The following SCN10A variants were observed in gnomAD, a reference collection of about 807,000 sequenced individuals.
The protein encoded by SCN10A is sodium voltage-gated channel alpha subunit 10, also known as sodium channel protein type 10 subunit alpha.
In SCN10A, 162 loss-of-function variants were observed where a neutral mutation model predicts 170.7. The ratio of observed to expected loss-of-function variants is 0.95; its 90% confidence interval spans 0.84 to 1.08. The LOEUF (loss-of-function observed/expected upper bound fraction) is 1.08. Among genes scored for constraint, SCN10A ranks in the 50% least tolerant of loss-of-function variants. The pLI is 0.00. For synonymous variants in SCN10A, 985 were observed against 904.6 expected (o/e 1.09, Z -1.59); for missense variants, 2,527 against 2,436.9 (o/e 1.04, Z -0.78).
intron 1 of SCN10A, among the ~76,000 whole-genome samples, chr3:38,802,676 G>T (rs1441536312): frequency 6.6e-6 from 1 of 152,088 alleles, no homozygotes; most frequent in Non-Finnish European, 1.5e-5. Flanking sequence ...TTAAATGTTA[G>T]ACCTAAAACC....
chr3:38,711,180 G>C (rs1182492018), intron 23 of SCN10A, among the ~76,000 whole-genome samples: 2 of 152,212 alleles, frequency 1.3e-5, no homozygotes, highest in East Asian at 1.9e-4. Context: ...TCTGGTTCTA[G>C]TGCCAATTGC....
At chr3:38,782,946 A>G (rs2064156485) in intron 4 of SCN10A, among the ~76,000 whole-genome samples, 1 of 152,146 alleles carries the variant, frequency 6.6e-6, no homozygotes, top group Admixed American at 6.6e-5. Flanking sequence ...TTATTTTCTC[A>G]CAAATCTGGA....
At chr3:38,777,716 G>A (rs375110584) in intron 4 of SCN10A, among the ~76,000 whole-genome samples, 111 of 152,202 alleles carry the variant, frequency 7.3e-4, no homozygotes, top group Non-Finnish European at 1.4e-3. Context: ...TTAAATCCAC[G>A]TGGTGTTGAC....
At chr3:38,747,028 C>T (rs2063697681) in intron 13 of SCN10A, among the ~76,000 whole-genome samples, 1 of 152,150 alleles carries the variant, frequency 6.6e-6, no homozygotes, top group African/African-American at 2.4e-5. Flanking sequence ...CATGAAGCAT[C>T]CTTCAGGTGT....
intron 26 of SCN10A, among the ~76,000 whole-genome samples, chr3:38,705,296 C>T (rs2063198851): frequency 2.0e-5 from 3 of 152,228 alleles, no homozygotes; most frequent in South Asian, 2.1e-4. Flanking sequence ...TCCACTAAGG[C>T]TAGCAAAAGG....
In SCN10A at chr3:38,697,396, T is replaced by C; in HGVS notation, c.5824A>G (p.Asn1942Asp). ...VNMRTSSSIQNEDEATSMELI... is the reference protein window; with the variant it reads ...VNMRTSSSIQDEDEATSMELI... ...TCCATACTGGTGGCTTCATCTTCATTTTGTATTGAGCTAGATGTCCTCATG... is the reference window on the plus strand; with the variant it reads ...TCCATACTGGTGGCTTCATCTTCATCTTGTATTGAGCTAGATGTCCTCATG... The change falls in exon 28 of 28, where the codon AAT (asparagine) becomes GAT (aspartate). Residue 1942 changes from asparagine to aspartate, a missense_variant. Asn to Asp is a conservative substitution (Grantham distance 23, BLOSUM62 1). Coordinates refer to ENST00000449082, the MANE Select transcript of SCN10A (RefSeq NM_006514.4). 2.5e-6 allele frequency: 4 copies of C among 1,614,164 alleles called. No homozygotes were observed. Among genetic ancestry groups the C allele is most frequent in the Non-Finnish European group, 3.4e-6 (4 of 1,180,016 alleles).
chr3:38,756,487 G>A (rs1015590497), intron 10 of SCN10A, among the ~76,000 whole-genome samples, 187 bp downstream of exon 10: 11 of 152,120 alleles, frequency 7.2e-5, no homozygotes, highest in African/African-American at 2.7e-4. Context: ...CCCTCAATAG[G>A]TCACTTGCAC....
At chr3:38,766,515 C>A (rs893155305) in intron 5 of SCN10A, among the ~76,000 whole-genome samples, 1 of 152,030 alleles carries the variant, frequency 6.6e-6, no homozygotes, top group Non-Finnish European at 1.5e-5. Flanking sequence ...GTTTTTAATT[C>A]TGTTTATGTG....
At chr3:38,798,786 C>CTTTTTTTTTTTTTTTTTTTTT (rs35930968) in intron 1 of SCN10A, among the ~76,000 whole-genome samples, 1 of 97,732 alleles carries the variant, frequency 1.0e-5, no homozygotes, top group Admixed American at 1.4e-4. Flanking sequence ...CCCTTGCCTC[C>CTTTTTTTTTTTTTTTTTTTTT]TTTTTTTTTT....
At chr3:38,806,478 C>A (rs545046541) in intron 1 of SCN10A, among the ~76,000 whole-genome samples, 1 of 152,002 alleles carries the variant, frequency 6.6e-6, no homozygotes, top group South Asian at 2.1e-4. Flanking sequence ...TTTAAAAAAC[C>A]AGAGAGATAG....
chr3:38,769,705 T>C (rs1434071729), intron 5 of SCN10A, among the ~76,000 whole-genome samples: 1 of 152,212 alleles, frequency 6.6e-6, no homozygotes, highest in Non-Finnish European at 1.5e-5. Context: ...AGAGAAAAGA[T>C]CTGGAACTGA....
chr3:38,788,195 A>T (rs1575179583), intron 4 of SCN10A, among the ~76,000 whole-genome samples: 1 of 143,726 alleles, frequency 7.0e-6, no homozygotes, highest in African/African-American at 2.6e-5. Context: ...CTGTTGTGGC[A>T]TGCATTACTG....
intron 15 of SCN10A, among the ~76,000 whole-genome samples, chr3:38,730,466 TA>T (rs993001441): frequency 2.0e-5 from 3 of 152,128 alleles, no homozygotes; most frequent in Admixed American, 1.3e-4. Context: ...AGAGTTGCAG[TA>T]AAAAAACAAA....
chr3:38,777,719 G>T (rs1393677084), intron 4 of SCN10A, among the ~76,000 whole-genome samples: 2 of 152,166 alleles, frequency 1.3e-5, no homozygotes, highest in Admixed American at 1.3e-4. Flanking sequence ...AATCCACGTG[G>T]TGTTGACTCA....
At chr3:38,722,817 T>G (rs2063408673) in intron 19 of SCN10A, among the ~76,000 whole-genome samples, 2 of 152,184 alleles carry the variant, frequency 1.3e-5, no homozygotes, top group African/African-American at 2.4e-5. Context: ...CCAGCCCAGC[T>G]CAGCCCAGCC....
At chr3:38,787,615 A>T (rs2064223204) in intron 4 of SCN10A, among the ~76,000 whole-genome samples, 1 of 152,074 alleles carries the variant, frequency 6.6e-6, no homozygotes, top group Non-Finnish European at 1.5e-5. Flanking sequence ...TTCACAATTA[A>T]GTATGACGCT....
At position 38,709,533 on chromosome 3, in the gene SCN10A, G is replaced by A; in HGVS notation, c.4226C>T (p.Thr1409Ile). The A allele has an allele frequency of 6.2e-7, 1 of 1,613,280 alleles. No homozygotes were observed. Among genetic ancestry groups the A allele is most frequent in the Non-Finnish European group, 8.5e-7 (1 of 1,179,634 alleles). Residue 1409 changes from threonine to isoleucine, a missense_variant, in exon 25 of 28, where the codon ACA becomes ATA. Transcript: ENST00000449082. ...VIFIIFGGFF[T>I]LNLFVGVIID... Reference sequence around the variant, plus strand: ...TATGACCCCAACAAAGAGATTCAGTGTGAAGAAGCCTCCAAAAATGATGAA... The same window carrying A: ...TATGACCCCAACAAAGAGATTCAGTATGAAGAAGCCTCCAAAAATGATGAA...
At chr3:38,754,547 A>T (rs527925946) in intron 11 of SCN10A, among the ~76,000 whole-genome samples, 3 of 152,214 alleles carry the variant, frequency 2.0e-5, no homozygotes, top group Non-Finnish European at 4.4e-5. Flanking sequence ...AATGGGGGAA[A>T]TTAAAGCCCA....
chr3:38,705,603 T>G (rs1259772849), intron 26 of SCN10A, among the ~76,000 whole-genome samples: 1 of 152,226 alleles, frequency 6.6e-6, no homozygotes, highest in Non-Finnish European at 1.5e-5. Flanking sequence ...TGATTTATCT[T>G]GTCCTAAGAA....
Sources: allele counts gnomAD v4.1 joint callset (sites outside exome capture counted in the v4.1 genomes callset), GRCh38; gene constraint gnomAD v4.1.1; transcripts MANE v1.5; gene names NCBI Gene and HGNC (gene_info 2026-07-23, HGNC 2026-07-21).